Variants in ERC1 observed in about 807,000 individuals in gnomAD.
ERC1 encodes the protein ELKS/RAB6-interacting/CAST family member 1, also known as RAB6 interacting protein 2.
ERC1 carries 56 observed loss-of-function variants against 132.0 expected under a neutral mutation model. The observed-to-expected ratio is 0.42, with a 90% CI of 0.34 to 0.53. ERC1 has a LOEUF of 0.53. ERC1 is among the 20% of genes least tolerant of loss of function. ERC1 has a pLI of 0.03. For missense variants in ERC1, 1,202 were observed against 1,349.9 expected, an observed-to-expected ratio of 0.89 and a Z score of 1.72; for synonymous variants, 478 against 476.1, an observed-to-expected ratio of 1.00 and a Z score of -0.05.
intron 18 of ERC1, among the ~76,000 whole-genome samples, chr12:1,474,635 C>T (rs1030701296): frequency 1.3e-5 from 2 of 152,168 alleles, no homozygotes. Flanking sequence ...TCAAGCAGCC[C>T]GCCCCTCAGC....
chr12:1,399,548 T>A (rs1280444635), intron 16 of ERC1, among the ~76,000 whole-genome samples: 2 of 152,230 alleles, frequency 1.3e-5, no homozygotes, highest in African/African-American at 2.4e-5. Context: ...AATGTAGCCA[T>A]TGTCCCTTTC....
chr12:1,391,293 G>T (rs2089938353), intron 16 of ERC1: 1 of 152,280 alleles, frequency 6.6e-6, no homozygotes. Context: ...CTCCCACTTG[G>T]ACCCTGCTGA....
chr12:1,112,813 T>C (rs1946033994), intron 6 of ERC1, among the ~76,000 whole-genome samples: 1 of 152,220 alleles, frequency 6.6e-6, no homozygotes, highest in African/African-American at 2.4e-5. Context: ...ATCTAGTAAA[T>C]TGAAATTACT....
intron 18 of ERC1, among the ~76,000 whole-genome samples, chr12:1,460,461 C>A (rs2154421272): frequency 6.6e-6 from 1 of 152,274 alleles, no homozygotes; most frequent in Admixed American, 6.5e-5. Context: ...CCAAGCTCCA[C>A]CCATCGCTGC....
chr12:1,426,402 G>A (rs1051888510), intron 17 of ERC1, among the ~76,000 whole-genome samples: 4 of 152,142 alleles, frequency 2.6e-5, no homozygotes, highest in African/African-American at 9.7e-5. Context: ...ACTTTGCCCG[G>A]CCTTTAGAAC....
At chr12:1,155,806 A>G (rs1031365672) in intron 8 of ERC1, among the ~76,000 whole-genome samples, 10 of 151,962 alleles carry the variant, frequency 6.6e-5, no homozygotes, top group Admixed American at 5.9e-4. Flanking sequence ...AGAAATGACA[A>G]TGTAGGATTT....
intron 2 of ERC1, among the ~76,000 whole-genome samples, chr12:1,039,337 C>CA (rs573363202): frequency 0.22 from 24,542 of 112,828 alleles, 2,440 homozygotes; most frequent in Non-Finnish European, 0.25. Context: ...GACGTTGTCT[C>CA]AAAAAAAAAA....
chr12:1,451,944 A>C (rs2093433971), intron 18 of ERC1, among the ~76,000 whole-genome samples: 2 of 152,312 alleles, frequency 1.3e-5, no homozygotes, highest in South Asian at 4.1e-4. Context: ...CAGGGTACAC[A>C]CACACAGGAA....
At chr12:1,345,326 G>A (rs1402840837) in intron 15 of ERC1, among the ~76,000 whole-genome samples, 1 of 151,870 alleles carries the variant, frequency 6.6e-6, no homozygotes, top group African/African-American at 2.4e-5. Context: ...GACTACAGGT[G>A]CCCACCACCA....
chr12:1,222,732 G>A (rs1442903969), intron 12 of ERC1, among the ~76,000 whole-genome samples: 1 of 151,998 alleles, frequency 6.6e-6, no homozygotes, highest in East Asian at 1.9e-4. Context: ...TTAAATTTGT[G>A]TGGGAGATTT....
At chr12:1,378,964 A>G (rs2088281750) in intron 16 of ERC1, among the ~76,000 whole-genome samples, 1 of 152,206 alleles carries the variant, frequency 6.6e-6, no homozygotes, top group South Asian at 2.1e-4. Context: ...ATCACAAAGA[A>G]CACTACTTGC....
intron 15 of ERC1, among the ~76,000 whole-genome samples, chr12:1,337,842 T>A (rs2083442729): frequency 6.6e-6 from 1 of 152,236 alleles, no homozygotes; most frequent in African/African-American, 2.4e-5. Flanking sequence ...GGAATTTCTT[T>A]AAGAATGTTG....
chr12:1,232,791 A>G (rs1438163797), intron 12 of ERC1, among the ~76,000 whole-genome samples: 1 of 152,022 alleles, frequency 6.6e-6, no homozygotes, highest in Non-Finnish European at 1.5e-5. Context: ...CTTTAATGCC[A>G]TCAGTCATTT....
At chr12:1,483,016 G>T (rs753587154) in intron 18 of ERC1, among the ~76,000 whole-genome samples, 1 of 152,134 alleles carries the variant, frequency 6.6e-6, no homozygotes, top group African/African-American at 2.4e-5. Context: ...ATGGAATCAG[G>T]CTGGGCATGG....
chr12:1,094,112 G>A (rs527518704), intron 3 of ERC1, among the ~76,000 whole-genome samples: 4 of 149,352 alleles, frequency 2.7e-5, no homozygotes, highest in South Asian at 4.3e-4. Flanking sequence ...TCCGCGTCCC[G>A]GGTTCAAGCA....
At chr12:1,177,332 C>T (rs1396814967) in intron 8 of ERC1, among the ~76,000 whole-genome samples, 2 of 152,198 alleles carry the variant, frequency 1.3e-5, no homozygotes, top group African/African-American at 4.8e-5. Context: ...TTTTGACATG[C>T]CTTCCTCACT....
chr12:1,093,786 C>G (rs1943557428), intron 3 of ERC1, among the ~76,000 whole-genome samples: 3 of 150,756 alleles, frequency 2.0e-5, no homozygotes. Flanking sequence ...ACTAGCATAT[C>G]TGAGGACTGC....
At chr12:1,151,906 T>A (rs947711281) in intron 8 of ERC1, 3 of 152,220 alleles carry the variant, frequency 2.0e-5, no homozygotes, top group Admixed American at 1.3e-4. Context: ...AGTTTAAAAA[T>A]AGCTCAGCAA....
At chr12:1,025,316 C>T (rs776204099) in intron 1 of ERC1, among the ~76,000 whole-genome samples, 6 of 152,142 alleles carry the variant, frequency 3.9e-5, no homozygotes, top group East Asian at 1.9e-4. Context: ...CTCTAATTAT[C>T]GCTGTTTCAA....
Sources: allele counts gnomAD v4.1 joint callset (sites outside exome capture counted in the v4.1 genomes callset), GRCh38; gene constraint gnomAD v4.1.1; transcripts MANE v1.5; gene names NCBI Gene and HGNC (gene_info 2026-07-23, HGNC 2026-07-21).